PLA2G4D: variants seen among roughly 807,000 people sequenced by gnomAD.
PLA2G4D encodes the protein cytosolic phospholipase A2 delta.
In PLA2G4D, 80 loss-of-function variants were observed where a neutral mutation model predicts 94.4. The ratio of observed to expected loss-of-function variants is 0.85; its 90% CI spans 0.71 to 1.02. The LOEUF (loss-of-function observed/expected upper bound fraction) is 1.02. Ranked by LOEUF, PLA2G4D falls within the 50% of genes least tolerant of loss-of-function variation. PLA2G4D has a pLI of 0.00. For synonymous variants in PLA2G4D, 438 were observed against 440.9 expected (o/e 0.99, Z 0.08); for missense variants, 1,050 against 1,034.7 (o/e 1.01, Z -0.20).
intron 1 of PLA2G4D, among the ~76,000 whole-genome samples, chr15:42,089,123 A>G (rs540067188): frequency 9.6e-4 from 146 of 152,354 alleles, no homozygotes; most frequent in African/African-American, 3.4e-3. Context: ...AAGCCAGTGC[A>G]GTGTTTGCAC....
intron 10 of PLA2G4D, 84 bp downstream of exon 10, chr15:42,081,713 A>G (rs1393334327): frequency 1.9e-6 from 3 of 1,612,138 alleles, no homozygotes; most frequent in Admixed American, 3.3e-5. Flanking sequence ...CCTCTCCTCC[A>G]ATCTCAAGGA....
intron 1 of PLA2G4D, among the ~76,000 whole-genome samples, chr15:42,091,947 C>G (rs1264019442): frequency 6.6e-6 from 1 of 152,192 alleles, no homozygotes; most frequent in Non-Finnish European, 1.5e-5. Context: ...CTCACACTCT[C>G]TACCCTGCCC....
At chr15:42,078,963 T>A (rs1223130204) in intron 13 of PLA2G4D, among the ~76,000 whole-genome samples, 1 of 152,272 alleles carries the variant, frequency 6.6e-6, no homozygotes, top group East Asian at 1.9e-4. Flanking sequence ...TTTGTCTTGA[T>A]GCTGTTAGAA....
chr15:42,072,585 G>T (rs1030142546), intron 13 of PLA2G4D, among the ~76,000 whole-genome samples, 193 bp from the exon 14 acceptor site: 23 of 152,138 alleles, frequency 1.5e-4, no homozygotes, highest in African/African-American at 5.1e-4. Flanking sequence ...ATGCAGGGTC[G>T]CTGGACAGGG....
intron 3 of PLA2G4D, 141 bp from the exon 4 acceptor site, chr15:42,086,485 ACTG>A: frequency 1.3e-6 from 1 of 759,434 alleles, no homozygotes; most frequent in Non-Finnish European, 2.1e-6. Context: ...AAAAAAAAAA[ACTG>A]TAAAACTTAA....
intron 1 of PLA2G4D, among the ~76,000 whole-genome samples, chr15:42,091,831 C>T (rs1343828678): frequency 6.6e-6 from 1 of 152,210 alleles, no homozygotes; most frequent in Non-Finnish European, 1.5e-5. Flanking sequence ...CGTAAGCTGT[C>T]TTTCTCTTTG....
chr15:42,087,141 C>T (rs1259562431), intron 3 of PLA2G4D, among the ~76,000 whole-genome samples, 159 bp downstream of exon 3: 2 of 152,178 alleles, frequency 1.3e-5, no homozygotes, highest in East Asian at 3.9e-4. Flanking sequence ...TTCTTTCATA[C>T]ATTCCCTTGC....
intron 3 of PLA2G4D, 26 bp from the exon 4 acceptor site, chr15:42,086,370 C>G: frequency 6.2e-7 from 1 of 1,610,698 alleles, no homozygotes; most frequent in Non-Finnish European, 8.5e-7. Flanking sequence ...AGCGACTTAG[C>G]ATTTTACCTG....
At chr15:42,078,650 A>G (rs768966719) in intron 13 of PLA2G4D, among the ~76,000 whole-genome samples, 2 of 152,204 alleles carry the variant, frequency 1.3e-5, no homozygotes, top group Non-Finnish European at 2.9e-5. Flanking sequence ...AATTCCTTCT[A>G]TATAAATTTA....
chr15:42,086,526 A>G (rs957941282), intron 3 of PLA2G4D, among the ~76,000 whole-genome samples, 182 bp from the exon 4 acceptor site: 3 of 152,166 alleles, frequency 2.0e-5, no homozygotes, highest in African/African-American at 7.2e-5. Flanking sequence ...TAAATTTCAA[A>G]TTTCCTCCTT....
intron 17 of PLA2G4D, 108 bp downstream of exon 17, chr15:42,071,015 G>C: frequency 6.5e-7 from 1 of 1,535,278 alleles, no homozygotes; most frequent in Non-Finnish European, 8.8e-7. Flanking sequence ...ATCGTCTCCA[G>C]GCCACACCCC....
Position 42,067,522 on chromosome 15 carries a change from G to C in PLA2G4D, c.*1193C>G, listed in dbSNP as rs1291435096. The C allele has an allele frequency of 7.1e-6, 1 of 141,234 alleles. No homozygotes were observed. The highest frequency in any genetic ancestry group is 2.6e-5 in the African/African-American group (1 of 38,404). The allele number at this position is 141,234 out of a possible 1,614,324, so 8.7% of individuals were successfully genotyped here. On this transcript the variant is annotated 3_prime_UTR_variant, in exon 20 of 20. Coordinates refer to ENST00000290472, the MANE Select transcript of PLA2G4D (RefSeq NM_178034.4). ...ACCATTGAACTTGGCCTGGGTGACAGAGTGTGATGAGATTCTGTCTCAAAA... is the reference window on the plus strand; with the variant it reads ...ACCATTGAACTTGGCCTGGGTGACACAGTGTGATGAGATTCTGTCTCAAAA...
In PLA2G4D at chr15:42,086,194, T is replaced by TTGGGGGGGGGGGGGGGCG; in HGVS notation, c.387+18_387+19insCGCCCCCCCCCCCCCCCA. 8.0e-6 allele frequency: 11 copies of TTGGGGGGGGGGGGGGGCG among 1,370,430 alleles called. No homozygotes were observed. Among genetic ancestry groups the TTGGGGGGGGGGGGGGGCG allele is most frequent in the South Asian group, 1.5e-5 (1 of 66,866 alleles). 84.9% of individuals were successfully genotyped at this position (1,370,430 alleles called of 1,614,324 possible). On this transcript the variant is annotated intron_variant, in intron 4 of 19. Transcript: ENST00000290472. Reference sequence around the variant, plus strand: ...GGAAGAAGTGGGGCCCACGGGGACTTCCCCACCCACCCACCCACCTGGGGA... The same window carrying TTGGGGGGGGGGGGGGGCG: ...GGAAGAAGTGGGGCCCACGGGGACTTTGGGGGGGGGGGGGGGCGCCCCACCCACCCACCCACCTGGGGA...
intron 6 of PLA2G4D, 91 bp from the exon 7 acceptor site, chr15:42,083,870 C>T (rs1396446162): frequency 4.7e-6 from 6 of 1,279,530 alleles, no homozygotes; most frequent in Non-Finnish European, 4.5e-6. Context: ...GTCCCAAATC[C>T]ACCACACACA....
Position 42,069,973 on chromosome 15 carries a change from G to C in PLA2G4D, c.2166C>G (p.Pro722=). 1 of 1,469,830 alleles carries C rather than the reference G, an allele frequency of 6.8e-7. No homozygotes were observed. Among genetic ancestry groups the C allele is most frequent in the Non-Finnish European group, 9.0e-7 (1 of 1,114,154 alleles). 91.0% of individuals were successfully genotyped at this position (1,469,830 alleles called of 1,614,324 possible). The part of the protein sequence containing the change: ...ECHLFSDPAC[P]EAPILLHFPL... ...GGAAGTGCAGCAGGATCGGGGCCTC[G>C]GGGCAGGCGGGGTCTGAGAAGAGGT... Residue 722 remains proline (P), a synonymous_variant, in exon 19 of 20, where the codon CCC becomes CCG. Transcript: ENST00000290472.
chr15:42,086,200 C>G lies in PLA2G4D; in HGVS notation c.387+13G>C. On this transcript the variant is annotated intron_variant, in intron 4 of 19. Coordinates refer to ENST00000290472, the MANE Select transcript of PLA2G4D (RefSeq NM_178034.4). ...AGTGGGGCCCACGGGGACTTCCCCA[C>G]CCACCCACCCACCTGGGGACTCTGG... The G allele has an allele frequency of 2.5e-6, 1 of 397,950 alleles. No individual in the cohort carries two copies. Among genetic ancestry groups the G allele is most frequent in the Non-Finnish European group, 4.7e-6 (1 of 210,812 alleles). The allele number at this position is 397,950 out of a possible 1,614,324, so 24.7% of individuals were successfully genotyped here.
At chr15:42,070,998 C>A in intron 17 of PLA2G4D, 115 bp from the exon 18 acceptor site, 1 of 1,521,048 alleles carries the variant, frequency 6.6e-7, no homozygotes, top group East Asian at 2.3e-5. Flanking sequence ...CAGGACCTTC[C>A]AAGGGGATCG....
In PLA2G4D at chr15:42,084,863, C is replaced by T. The variant is rs1367499473; in HGVS notation, c.471+233G>A. Reference sequence around the variant, plus strand: ...CGGAAGCACCCCGAACAGCCGTGGGCCAGAACCTCCTCTCAGCAGAGCCCT... The same window carrying T: ...CGGAAGCACCCCGAACAGCCGTGGGTCAGAACCTCCTCTCAGCAGAGCCCT... On this transcript the variant is annotated intron_variant, in intron 6 of 19. Transcript: ENST00000290472. This position sits in a 1 kb window ranked among gnomAD's most constrained non-coding sequence, Gnocchi z 4.8. Among the ~76,000 whole-genome samples, 2 of 152,192 alleles carry T rather than the reference C, an allele frequency of 1.3e-5. No individual in the cohort carries two copies. Among genetic ancestry groups the T allele is most frequent in the Non-Finnish European group, 2.9e-5 (2 of 68,032 alleles).
intron 4 of PLA2G4D, 28 bp from the exon 5 acceptor site, chr15:42,085,559 T>C: frequency 6.2e-7 from 1 of 1,608,980 alleles, no homozygotes; most frequent in Non-Finnish European, 8.5e-7. Flanking sequence ...GAGCAAGTCA[T>C]CAGCACATAC....
Sources: allele counts gnomAD v4.1 joint callset (sites outside exome capture counted in the v4.1 genomes callset), GRCh38; gene constraint gnomAD v4.1.1; non-coding constraint Gnocchi (gnomAD v3.1); transcripts MANE v1.5; gene names NCBI Gene and HGNC (gene_info 2026-07-23, HGNC 2026-07-21).